Variants in FRMD6 observed in about 807,000 individuals in gnomAD.
FRMD6 encodes the protein FERM domain containing 6, also known as FERM domain-containing protein 6.
Under a neutral mutation model 73.2 loss-of-function variants are expected in FRMD6, and 37 were observed. That is an observed-to-expected ratio of 0.51 (90% CI 0.39 to 0.66). The LOEUF (loss-of-function observed/expected upper bound fraction) is 0.66, where lower values mean the gene tolerates loss of function less well. Ranked by LOEUF, FRMD6 falls within the 30% of genes least tolerant of loss-of-function variation. The pLI, the probability that FRMD6 is intolerant of heterozygous loss-of-function variation, is 0.00. For synonymous variants in FRMD6, 273 were observed against 282.2 expected (o/e 0.97, Z 0.33); for missense variants, 714 against 780.5 (o/e 0.91, Z 1.02).
rs191176840 is a variant in FRMD6 at position 51,610,797 on chromosome 14, T to G, written c.-147+40387T>G. On this transcript the variant is annotated intron_variant, in intron 2 of 14. Transcript: ENST00000356218. ...AAATTGTCAAACATTCTTCAGGACTTGGAGAACAAAGCCTTCCAAGTTGAC... is the reference window on the plus strand; with the variant it reads ...AAATTGTCAAACATTCTTCAGGACTGGGAGAACAAAGCCTTCCAAGTTGAC... Among the ~76,000 whole-genome samples, 4 of 152,298 alleles carry G rather than the reference T, an allele frequency of 2.6e-5. No individual in the cohort carries two copies. The East Asian group carries it at 7.7e-4, about 29-fold the overall frequency.
intron 6 of FRMD6, among the ~76,000 whole-genome samples, chr14:51,707,491 C>A (rs550185945): frequency 6.6e-6 from 1 of 152,246 alleles, no homozygotes; most frequent in Non-Finnish European, 1.5e-5. Flanking sequence ...TGATGAAAAT[C>A]TAAGTCACAG....
At chr14:51,479,113 C>G in the FRMD6 span, among the ~76,000 whole-genome samples, 5 of 152,270 alleles carry the variant, frequency 3.3e-5, no homozygotes, top group African/African-American at 1.2e-4. Flanking sequence ...TAATTACTGA[C>G]AGCCCATCTG....
At chr14:51,627,071 A>AT (rs543192260) in intron 2 of FRMD6, among the ~76,000 whole-genome samples, 16 of 152,276 alleles carry the variant, frequency 1.1e-4, no homozygotes, top group East Asian at 3.9e-4. Context: ...ACAATTTCTG[A>AT]TTTTTTTATA....
the FRMD6 span, among the ~76,000 whole-genome samples, chr14:51,462,784 AAGAG>A: frequency 0.021 from 3,103 of 149,474 alleles, 44 homozygotes; most frequent in African/African-American, 0.035. Flanking sequence ...ATAAGGGAGG[AAGAG>A]AGAGAGAGAG....
At chr14:51,588,429 G>A (rs1293807760) in intron 2 of FRMD6, among the ~76,000 whole-genome samples, 1 of 152,106 alleles carries the variant, frequency 6.6e-6, no homozygotes, top group Non-Finnish European at 1.5e-5. Flanking sequence ...AGCAGAGAGA[G>A]AAGTTTAAAA....
intron 2 of FRMD6, among the ~76,000 whole-genome samples, chr14:51,572,135 A>T (rs1302276043): frequency 1.3e-5 from 2 of 152,282 alleles, no homozygotes; most frequent in Non-Finnish European, 2.9e-5. Flanking sequence ...GAAAAGCATC[A>T]TTCATAGCCT....
chr14:51,579,875 A>T (rs571189302), intron 2 of FRMD6, among the ~76,000 whole-genome samples: 3 of 152,266 alleles, frequency 2.0e-5, no homozygotes, highest in African/African-American at 7.2e-5. Flanking sequence ...CACTAAAAGC[A>T]ACAATAAAAC....
chr14:51,467,031 G>A, the FRMD6 span, among the ~76,000 whole-genome samples: 1 of 151,934 alleles, frequency 6.6e-6, no homozygotes, highest in African/African-American at 2.4e-5. Context: ...ATTTGGCAGG[G>A]TCATAGGACA....
At chr14:51,695,318 G>T (rs1048750771) in intron 2 of FRMD6, among the ~76,000 whole-genome samples, 2 of 152,170 alleles carry the variant, frequency 1.3e-5, no homozygotes, top group African/African-American at 4.8e-5. Flanking sequence ...AAGTTTATTT[G>T]TAAGGTAGAA....
intron 1 of FRMD6, among the ~76,000 whole-genome samples, chr14:51,536,271 T>C (rs1885885861): frequency 6.6e-6 from 1 of 151,482 alleles, no homozygotes; most frequent in African/African-American, 2.4e-5. Context: ...TTAAAAAAAA[T>C]TGTAGACACA....
At chr14:51,551,758 G>A (rs918534701) in intron 1 of FRMD6, among the ~76,000 whole-genome samples, 1 of 151,506 alleles carries the variant, frequency 6.6e-6, no homozygotes, top group Non-Finnish European at 1.5e-5. Context: ...TTATATAAAT[G>A]AATATATAAT....
Position 51,588,170 on chromosome 14 carries a change from C to T in FRMD6, c.-147+17760C>T, listed in dbSNP as rs1282001139. ...ATGAAAACTTACTTTTCTCCTAATA[C>T]AAAAAAGCATTTCCCCCCCTCCCAA... On this transcript the variant is annotated intron_variant, in intron 2 of 14. Coordinates refer to the FRMD6 transcript ENST00000356218. Among the ~76,000 whole-genome samples, 8 of 152,094 alleles carry T rather than the reference C, an allele frequency of 5.3e-5. No homozygotes were observed. The East Asian group carries it at 1.5e-3, about 29-fold the overall frequency.
intron 2 of FRMD6, among the ~76,000 whole-genome samples, chr14:51,631,553 G>A (rs1020516612): frequency 2.6e-5 from 4 of 152,134 alleles, no homozygotes; most frequent in African/African-American, 9.7e-5. Flanking sequence ...GTGGTAAAAG[G>A]GACAGAGAAT....
intron 1 of FRMD6, among the ~76,000 whole-genome samples, chr14:51,672,557 T>A (rs1814068026): frequency 1.3e-5 from 2 of 152,214 alleles, no homozygotes; most frequent in African/African-American, 2.4e-5. Context: ...CCTCAGTTCT[T>A]TAGGATGCAC....
At chr14:51,547,747 G>C (rs893473161) in intron 1 of FRMD6, 28 of 151,902 alleles carry the variant, frequency 1.8e-4, no homozygotes, top group African/African-American at 6.8e-4. Flanking sequence ...AAATAATCTT[G>C]TGGCCATACC....
intron 9 of FRMD6, chr14:51,714,196 G>A (rs1389155843): frequency 1.3e-5 from 2 of 152,206 alleles, no homozygotes; most frequent in Non-Finnish European, 1.5e-5. Flanking sequence ...TCCCTCCCTA[G>A]ACTTGCTTTG....
chr14:51,566,934 T>TGCAGGAGGCTCTGTTAATGC lies in FRMD6; in HGVS notation c.-209-3413_-209-3394dup, dbSNP rs1246273057. On this transcript the variant is annotated intron_variant, in intron 1 of 14. Coordinates refer to the FRMD6 transcript ENST00000356218. ...TTGAGCATTTGTCACAGGCCCCCTATGCAGGAGGCTCTGTTAATGCACAGC... is the reference window on the plus strand; with the variant it reads ...TTGAGCATTTGTCACAGGCCCCCTATGCAGGAGGCTCTGTTAATGCGCAGGAGGCTCTGTTAATGCACAGC... 1.2e-4 allele frequency among the ~76,000 whole-genome samples: 18 copies of TGCAGGAGGCTCTGTTAATGC among 152,300 alleles called. No homozygotes were observed. The East Asian group carries it at 3.3e-3, about 28-fold the overall frequency.
intron 1 of FRMD6, among the ~76,000 whole-genome samples, chr14:51,540,090 G>GT (rs993615592): frequency 2.6e-5 from 4 of 151,902 alleles, no homozygotes; most frequent in East Asian, 1.9e-4. Flanking sequence ...GTTAGAACGT[G>GT]TTTTTTTTCT....
rs193195022 is a variant in FRMD6, at chr14:51,592,265, G to A, written c.-147+21855G>A. On this transcript the variant is annotated intron_variant, in intron 2 of 14. Transcript: ENST00000356218. ...CCTTTGACTGGCTCTCTCTGTCCTC[G>A]GTTCAGAGTCCTTTGATCAAAATAT... 2.0e-3 allele frequency among the ~76,000 whole-genome samples: 308 copies of A among 152,174 alleles called. 6 individuals carry two copies. The highest frequency in any genetic ancestry group is 5.3e-4 in the Non-Finnish European group (36 of 68,008).
Sources: gnomAD v4.1 joint callset for allele counts (sites outside exome capture counted in the v4.1 genomes callset) on GRCh38, gnomAD v4.1.1 for gene constraint, MANE v1.5 for transcripts, NCBI Gene and HGNC (gene_info 2026-07-23, HGNC 2026-07-21) for gene names.